Variants in CADM2 observed in about 807,000 individuals in gnomAD.
The protein encoded by CADM2 is cell adhesion molecule 2.
In CADM2, 12 loss-of-function variants were observed where a neutral mutation model predicts 49.8. The observed-to-expected ratio is 0.24, with a 90% CI of 0.15 to 0.39. The LOEUF (loss-of-function observed/expected upper bound fraction) is 0.39. Ranked by LOEUF, CADM2 falls within the 10% of genes least tolerant of loss-of-function variation. The pLI is 1.00. For synonymous variants in CADM2, 214 were observed against 175.4 expected, an observed-to-expected ratio of 1.22 and a Z score of -1.74; for missense variants, 378 against 492.3, an observed-to-expected ratio of 0.77 and a Z score of 2.20.
intron 1 of CADM2, among the ~76,000 whole-genome samples, chr3:85,287,581 C>T (rs2043665196): frequency 2.0e-5 from 3 of 151,950 alleles, no homozygotes. Context: ...TCTTTGTCAT[C>T]AAAACAACAA....
chr3:85,740,537 CTTG>C (rs1267989121), intron 2 of CADM2, among the ~76,000 whole-genome samples: 2 of 151,194 alleles, frequency 1.3e-5, no homozygotes, highest in Admixed American at 6.6e-5. Context: ...CACCGTCTGT[CTTG>C]TTTATTCTCC....
At chr3:85,263,646 G>A (rs1277190488) in intron 1 of CADM2, among the ~76,000 whole-genome samples, 3 of 151,980 alleles carry the variant, frequency 2.0e-5, no homozygotes, top group African/African-American at 7.2e-5. Flanking sequence ...GTAAATTACT[G>A]TTGTCTAAAA....
chr3:85,399,030 G>A lies in CADM2; in HGVS notation c.62-327492G>A, dbSNP rs562079001. Among the ~76,000 whole-genome samples the A allele has an allele frequency of 3.4e-4, 52 of 152,244 alleles. 1 individual carries two copies. Among genetic ancestry groups the A allele is most frequent in the Non-Finnish European group, 6.2e-4 (42 of 68,018 alleles). On this transcript the variant is annotated intron_variant, in intron 1 of 9. Transcript: ENST00000383699. ...AATTAGATCCCATTTGTCAATTCTGGCTTTTGTTGCCACTGCTTTTGGTGT... is the reference window on the plus strand; with the variant it reads ...AATTAGATCCCATTTGTCAATTCTGACTTTTGTTGCCACTGCTTTTGGTGT...
intron 1 of CADM2, among the ~76,000 whole-genome samples, chr3:85,183,764 T>C (rs2040990208): frequency 6.6e-6 from 1 of 152,166 alleles, no homozygotes; most frequent in South Asian, 2.1e-4. Flanking sequence ...AAGTCTATAA[T>C]GCAAGGCGAA....
At chr3:85,024,485 G>A (rs1356680806) in intron 1 of CADM2, among the ~76,000 whole-genome samples, 1 of 151,824 alleles carries the variant, frequency 6.6e-6, no homozygotes. Context: ...AGTTCTGCTC[G>A]AGCATAAATA....
intron 3 of CADM2, among the ~76,000 whole-genome samples, chr3:85,826,226 C>T (rs543928346): frequency 2.0e-5 from 3 of 152,006 alleles, no homozygotes; most frequent in Admixed American, 6.6e-5. Flanking sequence ...GAGCATTCTG[C>T]GATACCAATG....
chr3:85,247,057 T>C (rs1461071487), intron 1 of CADM2, among the ~76,000 whole-genome samples: 2 of 152,046 alleles, frequency 1.3e-5, no homozygotes, highest in African/African-American at 2.4e-5. Flanking sequence ...ATGGTTAAGA[T>C]ATAAAAAAAA....
intron 1 of CADM2, among the ~76,000 whole-genome samples, chr3:85,611,464 G>A (rs955749391): frequency 1.3e-5 from 2 of 151,908 alleles, no homozygotes; most frequent in African/African-American, 4.8e-5. Flanking sequence ...GAAAAGTGAT[G>A]TATAAATAAA....
intron 5 of CADM2, among the ~76,000 whole-genome samples, chr3:85,896,897 G>A (rs549838215): frequency 6.6e-6 from 1 of 152,288 alleles, no homozygotes; most frequent in Admixed American, 6.5e-5. Context: ...TCAGGTGGTA[G>A]TTTACAAAAT....
At chr3:85,198,022 C>T (rs191854305) in intron 1 of CADM2, among the ~76,000 whole-genome samples, 31 of 151,970 alleles carry the variant, frequency 2.0e-4, no homozygotes, top group Non-Finnish European at 2.9e-4. Context: ...TCCTAGCTTG[C>T]CCTATTTAGT....
intron 1 of CADM2, among the ~76,000 whole-genome samples, chr3:85,473,809 A>G (rs117533432): frequency 0.014 from 2,084 of 152,220 alleles, 114 homozygotes; most frequent in South Asian, 0.1. Flanking sequence ...AAAATATACT[A>G]TAGGATATTA....
At chr3:85,265,238 T>A (rs1044430380) in intron 1 of CADM2, among the ~76,000 whole-genome samples, 29 of 152,086 alleles carry the variant, frequency 1.9e-4, no homozygotes, top group South Asian at 8.3e-4. Context: ...AAATATTTTT[T>A]AATTAATTTT....
intron 7 of CADM2, among the ~76,000 whole-genome samples, chr3:85,945,249 A>C (rs969148169): frequency 6.6e-6 from 1 of 152,160 alleles, no homozygotes; most frequent in Non-Finnish European, 1.5e-5. Flanking sequence ...ATCTCTGAAT[A>C]GACCAATAAC....
chr3:85,495,268 T>C (rs950716438), intron 1 of CADM2, among the ~76,000 whole-genome samples: 3 of 152,172 alleles, frequency 2.0e-5, no homozygotes, highest in Non-Finnish European at 4.4e-5. Context: ...AATAACTTTA[T>C]TCACTCTGTG....
chr3:85,883,716 TG>T (rs1713152850), intron 4 of CADM2, among the ~76,000 whole-genome samples: 1 of 152,224 alleles, frequency 6.6e-6, no homozygotes, highest in Non-Finnish European at 1.5e-5. Flanking sequence ...CCGGTTCTCT[TG>T]ATTTCAGCTA....
intron 1 of CADM2, among the ~76,000 whole-genome samples, chr3:85,538,418 C>T (rs1227553028): frequency 1.3e-5 from 2 of 150,826 alleles, no homozygotes; most frequent in African/African-American, 4.8e-5. Context: ...TATGAAGGGA[C>T]TATGCTGAGA....
chr3:85,338,907 T>G (rs2045164852), intron 1 of CADM2, among the ~76,000 whole-genome samples: 1 of 151,496 alleles, frequency 6.6e-6, no homozygotes, highest in Non-Finnish European at 1.5e-5. Context: ...AACCAGAAAG[T>G]TAGCAAAAGT....
chr3:85,026,561 T>C (rs989724594), intron 1 of CADM2, among the ~76,000 whole-genome samples: 1 of 152,176 alleles, frequency 6.6e-6, no homozygotes, highest in Admixed American at 6.5e-5. Context: ...GTAATTTTAT[T>C]TTATGCCTAT....
chr3:84,959,943 C>A (rs1008587633), intron 1 of CADM2, among the ~76,000 whole-genome samples: 1 of 152,140 alleles, frequency 6.6e-6, no homozygotes, highest in Admixed American at 6.5e-5. Flanking sequence ...TCACTCCATT[C>A]CCGCCAGCAT....
Sources: allele counts gnomAD v4.1 joint callset (sites outside exome capture counted in the v4.1 genomes callset), GRCh38; gene constraint gnomAD v4.1.1; transcripts MANE v1.5; gene names NCBI Gene and HGNC (gene_info 2026-07-23, HGNC 2026-07-21).